Variants in SSH2 observed in about 807,000 individuals in gnomAD.
The protein encoded by SSH2 is slingshot protein phosphatase 2.
Under a neutral mutation model 135.2 loss-of-function variants are expected in SSH2, and 37 were observed. That is an observed-to-expected ratio of 0.27 (90% confidence interval 0.21 to 0.36). The LOEUF is 0.36. Ranked by LOEUF, SSH2 falls within the 10% of genes least tolerant of loss-of-function variation. The probability of loss-of-function intolerance (pLI) is 1.00; values close to 1 mark genes in which losing one functional copy is unlikely to be tolerated. For synonymous variants in SSH2, 628 were observed against 646.2 expected, an observed-to-expected ratio of 0.97 and a Z score of 0.43; for missense variants, 1,408 against 1,765.3, an observed-to-expected ratio of 0.80 and a Z score of 3.63.
At chr17:29,772,771 A>T (rs1430941432) in intron 3 of SSH2, among the ~76,000 whole-genome samples, 1 of 151,208 alleles carries the variant, frequency 6.6e-6, no homozygotes, top group East Asian at 1.9e-4. Flanking sequence ...GGACATCAGA[A>T]CTCCAGGCTC....
chr17:29,897,793 A>G (rs1454355423), intron 1 of SSH2, among the ~76,000 whole-genome samples: 2 of 152,226 alleles, frequency 1.3e-5, no homozygotes, highest in African/African-American at 4.8e-5. Flanking sequence ...AGACATCTAC[A>G]GAACTCTCCA....
chr17:29,915,325 A>AT (rs2066862045), intron 1 of SSH2, among the ~76,000 whole-genome samples: 2 of 152,240 alleles, frequency 1.3e-5, no homozygotes, highest in African/African-American at 4.8e-5. Flanking sequence ...TAAGAGCAGC[A>AT]TTCAATTTCA....
At chr17:29,684,484 A>T (rs4794860) in intron 6 of SSH2, 79 bp downstream of exon 6, 34,457 of 147,130 alleles carry the variant, frequency 0.23, 1,377 homozygotes, top group South Asian at 0.39. Context: ...CGTCCCCATT[A>T]AAAAAAAAAA....
chr17:29,807,769 T>G (rs1260176101), intron 2 of SSH2, among the ~76,000 whole-genome samples: 5 of 151,216 alleles, frequency 3.3e-5, no homozygotes, highest in African/African-American at 1.2e-4. Flanking sequence ...CCTGATCCTA[T>G]GAGGTAGCCA....
Position 29,709,015 on chromosome 17 carries a change from T to TATATAG in SSH2, c.189-5954_189-5953insCTATAT, listed in dbSNP as rs780981175. 4.7e-3 allele frequency among the ~76,000 whole-genome samples: 383 copies of TATATAG among 81,578 alleles called. 3 individuals carry two copies. The highest frequency in any genetic ancestry group is 0.012 in the East Asian group (27 of 2,204). 53.5% of individuals were successfully genotyped at this position (81,578 alleles called of 152,430 possible). A position where few individuals can be genotyped will look rare whatever the true frequency, so the allele number is the denominator to read the frequency against. On this transcript the variant is annotated intron_variant, in intron 3 of 15. Coordinates refer to ENST00000540801, the MANE Select transcript of SSH2 (RefSeq NM_001282129.2). ...AGAAATATATATATATATATATATATAGAGAGAGAGAGAGAGAGAGAGAGA... is the reference window on the plus strand; with the variant it reads ...AGAAATATATATATATATATATATATATATAGAGAGAGAGAGAGAGAGAGAGAGAGA...
intron 3 of SSH2, among the ~76,000 whole-genome samples, chr17:29,710,004 C>A (rs183023923): frequency 1.9e-4 from 29 of 152,304 alleles, no homozygotes; most frequent in Admixed American, 1.8e-3. Flanking sequence ...CTGGTAGTTT[C>A]TTCTTAGACA....
intron 1 of SSH2, among the ~76,000 whole-genome samples, chr17:29,889,415 C>T (rs757859501): frequency 6.6e-6 from 1 of 152,032 alleles, no homozygotes; most frequent in African/African-American, 2.4e-5. Context: ...CACTGCACTC[C>T]GGCCTGGGTG....
chr17:29,761,171 G>A, intron 3 of SSH2: 3 of 1,289,726 alleles, frequency 2.3e-6, no homozygotes, highest in Non-Finnish European at 2.0e-6. Flanking sequence ...GGCGTTCTGC[G>A]AGATGACCGC....
At chr17:29,925,930 T>C (rs1227773207) in intron 1 of SSH2, among the ~76,000 whole-genome samples, 1 of 152,192 alleles carries the variant, frequency 6.6e-6, no homozygotes, top group Non-Finnish European at 1.5e-5. Flanking sequence ...AAAGAAAATT[T>C]ATACCAGAAA....
At chr17:29,898,404 G>C (rs2066484157) in intron 1 of SSH2, among the ~76,000 whole-genome samples, 1 of 152,040 alleles carries the variant, frequency 6.6e-6, no homozygotes, top group Admixed American at 6.6e-5. Context: ...AAGAAGAAAA[G>C]AGAGAAGAAT....
In SSH2 at chr17:29,657,847, T is replaced by C. The variant is rs574994086; in HGVS notation, c.1033-2240A>G. 2.0e-4 allele frequency among the ~76,000 whole-genome samples: 31 copies of C among 151,684 alleles called. No individual in the cohort carries two copies. In the South Asian group the frequency reaches 4.4e-3, roughly 21 times the overall value. Reference sequence around the variant, plus strand: ...CACCTTGGCCTCCCAAAATTTGGGATTGCAGGAGTGAACCACCACACCCAG... The same window carrying C: ...CACCTTGGCCTCCCAAAATTTGGGACTGCAGGAGTGAACCACCACACCCAG... On this transcript the variant is annotated intron_variant, in intron 11 of 15. Transcript: ENST00000540801.
intron 6 of SSH2, among the ~76,000 whole-genome samples, chr17:29,682,344 C>G (rs947773710): frequency 5.9e-5 from 9 of 152,128 alleles, no homozygotes; most frequent in Admixed American, 5.9e-4. Flanking sequence ...ACAGTGCTGT[C>G]CAACTGAACT....
chr17:29,752,918 G>A (rs2040996260), intron 3 of SSH2, among the ~76,000 whole-genome samples: 1 of 151,694 alleles, frequency 6.6e-6, no homozygotes, highest in Non-Finnish European at 1.5e-5. Flanking sequence ...ATTGTAAATA[G>A]AGAGGTATTT....
intron 1 of SSH2, among the ~76,000 whole-genome samples, chr17:29,875,301 A>G (rs541396523): frequency 6.6e-6 from 1 of 152,326 alleles, no homozygotes; most frequent in South Asian, 2.1e-4. Flanking sequence ...CTCTAATCAG[A>G]AATCTAGAGT....
chr17:29,916,601 C>A (rs1449134261), intron 1 of SSH2, among the ~76,000 whole-genome samples: 2 of 151,816 alleles, frequency 1.3e-5, no homozygotes, highest in Non-Finnish European at 2.9e-5. Flanking sequence ...GCTGGGATAA[C>A]AGGCGTGCAC....
chr17:29,808,276 C>T (rs1352874775), intron 2 of SSH2, among the ~76,000 whole-genome samples: 1 of 152,174 alleles, frequency 6.6e-6, no homozygotes, highest in African/African-American at 2.4e-5. Flanking sequence ...TTACAGGCGC[C>T]CGCCATCACG....
chr17:29,754,445 T>C (rs560056781), intron 3 of SSH2, among the ~76,000 whole-genome samples: 9 of 152,326 alleles, frequency 5.9e-5, no homozygotes, highest in African/African-American at 2.2e-4. Flanking sequence ...GAACATCCAA[T>C]ATGCTCCTCT....
intron 3 of SSH2, among the ~76,000 whole-genome samples, chr17:29,784,210 A>C (rs990684167): frequency 3.3e-5 from 5 of 151,438 alleles, no homozygotes; most frequent in African/African-American, 1.2e-4. Context: ...AACATGGTTA[A>C]ACCCCATCTC....
intron 3 of SSH2, among the ~76,000 whole-genome samples, chr17:29,716,941 C>T (rs1347012257): frequency 1.3e-5 from 2 of 152,136 alleles, no homozygotes; most frequent in Non-Finnish European, 2.9e-5. Context: ...TCATTTAATA[C>T]CTAATGTGTA....
Sources: gnomAD v4.1 joint callset for allele counts (sites outside exome capture counted in the v4.1 genomes callset) on GRCh38, gnomAD v4.1.1 for gene constraint, MANE v1.5 for transcripts, NCBI Gene and HGNC (gene_info 2026-07-23, HGNC 2026-07-21) for gene names.